The following SPSB1 variants were observed in gnomAD, a reference collection of about 807,000 sequenced individuals.
SPSB1 encodes SPRY domain-containing SOCS box protein 1.
Under a neutral mutation model 21.2 loss-of-function variants are expected in SPSB1, and 8 were observed. The observed-to-expected ratio is 0.38, with a 90% confidence interval of 0.22 to 0.68. The LOEUF is 0.68. Ranked by LOEUF, SPSB1 falls within the 30% of genes least tolerant of loss-of-function variation. SPSB1 has a pLI of 0.53. For missense variants in SPSB1, 242 were observed against 377.8 expected, an observed-to-expected ratio of 0.64 and a Z score of 2.98; for synonymous variants, 169 against 161.7, an observed-to-expected ratio of 1.05 and a Z score of -0.34.
intron 1 of SPSB1, among the ~76,000 whole-genome samples, chr1:9,312,650 G>A (rs1475680676): frequency 1.3e-5 from 2 of 152,150 alleles, no homozygotes; most frequent in African/African-American, 2.4e-5. Flanking sequence ...TTTGTTGGAC[G>A]AGCAGCTCAT....
At chr1:9,329,854 C>T (rs1639885991) in intron 1 of SPSB1, among the ~76,000 whole-genome samples, 1 of 152,006 alleles carries the variant, frequency 6.6e-6, no homozygotes, top group African/African-American at 2.4e-5. Context: ...CTGTGGGTAA[C>T]GTGACTCTGC....
chr1:9,326,459 C>CA (rs1639818064), intron 1 of SPSB1, among the ~76,000 whole-genome samples: 1 of 152,186 alleles, frequency 6.6e-6, no homozygotes, highest in African/African-American at 2.4e-5. Context: ...AAGGCATGAC[C>CA]AGAGGGAACA....
intron 1 of SPSB1, among the ~76,000 whole-genome samples, chr1:9,349,562 G>A (rs1289950540): frequency 6.6e-6 from 1 of 152,266 alleles, no homozygotes; most frequent in Non-Finnish European, 1.5e-5. Flanking sequence ...GCGTGCAGGA[G>A]CGTGGGTGGG....
At chr1:9,296,731 T>C (rs1196655397) in intron 1 of SPSB1, among the ~76,000 whole-genome samples, 3 of 152,152 alleles carry the variant, frequency 2.0e-5, no homozygotes, top group South Asian at 2.1e-4. Flanking sequence ...CTCAAAGAGG[T>C]TGACTGTTAC....
intron 1 of SPSB1, among the ~76,000 whole-genome samples, chr1:9,298,422 GTGAACGAATGAA>G (rs1639262460): frequency 2.2e-5 from 2 of 91,796 alleles, no homozygotes; most frequent in African/African-American, 8.8e-5. Context: ...GAATGAATAA[GTGAACGAATGAA>G]TGAATAAGTG....
At chr1:9,318,922 G>T (rs759769702) in intron 1 of SPSB1, among the ~76,000 whole-genome samples, 33 of 152,298 alleles carry the variant, frequency 2.2e-4, no homozygotes, top group South Asian at 8.3e-4. Flanking sequence ...GGGCGCAGTG[G>T]CTCACACCTG....
intron 2 of SPSB1, among the ~76,000 whole-genome samples, chr1:9,359,068 G>A (rs770738877): frequency 6.6e-5 from 10 of 152,218 alleles, no homozygotes; most frequent in Non-Finnish European, 1.3e-4. Context: ...AACCGCATCT[G>A]TGAGCTGGAA....
At chr1:9,328,709 C>T (rs1302081005) in intron 1 of SPSB1, among the ~76,000 whole-genome samples, 1 of 152,220 alleles carries the variant, frequency 6.6e-6, no homozygotes, top group Non-Finnish European at 1.5e-5. Flanking sequence ...GGTGGTGCTT[C>T]TGGGCACGTG....
intron 1 of SPSB1, among the ~76,000 whole-genome samples, chr1:9,298,708 T>C (rs929701310): frequency 1.3e-5 from 2 of 152,198 alleles, no homozygotes; most frequent in African/African-American, 2.4e-5. Flanking sequence ...AAGGGGCTTA[T>C]GGAGGTCAGG....
chr1:9,322,870 C>A (rs1197072489), intron 1 of SPSB1, among the ~76,000 whole-genome samples: 3 of 149,960 alleles, frequency 2.0e-5, no homozygotes, highest in Admixed American at 6.6e-5. Flanking sequence ...CCCGCACCCA[C>A]CCCACCCGCC....
intron 1 of SPSB1, among the ~76,000 whole-genome samples, chr1:9,313,842 G>A (rs1001983890): frequency 6.6e-6 from 1 of 152,218 alleles, no homozygotes; most frequent in Non-Finnish European, 1.5e-5. Flanking sequence ...AGGCGAGATG[G>A]CTGGGGATCT....
chr1:9,349,627 G>T (rs1322941268), intron 1 of SPSB1, among the ~76,000 whole-genome samples: 1 of 152,232 alleles, frequency 6.6e-6, no homozygotes, highest in Non-Finnish European at 1.5e-5. Context: ...CATGTCCTGA[G>T]CGAGTGTCAG....
chr1:9,364,424 C>T (rs1253506159), intron 2 of SPSB1, among the ~76,000 whole-genome samples: 1 of 152,242 alleles, frequency 6.6e-6, no homozygotes, highest in East Asian at 1.9e-4. Flanking sequence ...CCGTGTCTTA[C>T]AGATGGGGAA....
intron 1 of SPSB1, among the ~76,000 whole-genome samples, chr1:9,341,893 G>C (rs1314468890): frequency 6.6e-6 from 1 of 151,964 alleles, no homozygotes; most frequent in East Asian, 1.9e-4. Context: ...GTAGAGATGG[G>C]GTTTCTCCAT....
At chr1:9,349,525 G>T (rs1236332599) in intron 1 of SPSB1, among the ~76,000 whole-genome samples, 1 of 152,264 alleles carries the variant, frequency 6.6e-6, no homozygotes, top group Non-Finnish European at 1.5e-5. Context: ...ATGCGTGTCA[G>T]ATTTGACAGC....
chr1:9,327,037 G>C (rs1639826625), intron 1 of SPSB1, among the ~76,000 whole-genome samples: 1 of 152,126 alleles, frequency 6.6e-6, no homozygotes, highest in African/African-American at 2.4e-5. Context: ...CTTAGGGGCA[G>C]GTGCTCAGGG....
At chr1:9,333,050 G>C in intron 1 of SPSB1, among the ~76,000 whole-genome samples, 1 of 152,216 alleles carries the variant, frequency 6.6e-6, no homozygotes, top group East Asian at 1.9e-4. Flanking sequence ...CGTGGGCTGC[G>C]TCAGGCACCC....
chr1:9,331,090 T>A (rs2100492434), intron 1 of SPSB1, among the ~76,000 whole-genome samples: 1 of 152,332 alleles, frequency 6.6e-6, no homozygotes, highest in African/African-American at 2.4e-5. Context: ...TTTCATATTC[T>A]GTCGTGCTCT....
chr1:9,362,736 C>T (rs1433456030), intron 2 of SPSB1, among the ~76,000 whole-genome samples: 2 of 152,216 alleles, frequency 1.3e-5, no homozygotes, highest in African/African-American at 2.4e-5. Context: ...TGCATGTTCA[C>T]GTGGGCCACC....
Sources: allele counts gnomAD v4.1 joint callset (sites outside exome capture counted in the v4.1 genomes callset), GRCh38; gene constraint gnomAD v4.1.1; transcripts MANE v1.5; gene names NCBI Gene and HGNC (gene_info 2026-07-23, HGNC 2026-07-21).